The following ARAP2 variants were observed in gnomAD, a reference collection of about 807,000 sequenced individuals.
The protein encoded by ARAP2 is ArfGAP with RhoGAP domain, ankyrin repeat and PH domain 2, also known as arf-GAP with Rho-GAP domain, ANK repeat and PH domain-containing protein 2.
A neutral mutation model predicts 194.5 loss-of-function variants in ARAP2; 148 were observed. The observed-to-expected ratio is 0.76, with a 90% CI of 0.67 to 0.87. The LOEUF (loss-of-function observed/expected upper bound fraction) is 0.87, where lower values mean the gene tolerates loss of function less well. Among genes scored for constraint, ARAP2 ranks in the 40% least tolerant of loss-of-function variants. ARAP2 has a pLI of 0.00. For synonymous variants in ARAP2, 695 were observed against 683.5 expected, an observed-to-expected ratio of 1.02 and a Z score of -0.26; for missense variants, 2,128 against 1,989.7, an observed-to-expected ratio of 1.07 and a Z score of -1.32.
chr4:36,037,942 T>C (rs1376147487), intron 5 of ARAP2, among the ~76,000 whole-genome samples: 1 of 152,172 alleles, frequency 6.6e-6, no homozygotes, highest in Non-Finnish European at 1.5e-5. Context: ...ATTTATAAGA[T>C]CAAATAACTA....
rs536354303 is a variant in ARAP2 at position 36,080,362 on chromosome 4, C to A, written c.4545-83G>T. The A allele has an allele frequency of 4.2e-5, 47 of 1,130,130 alleles. No individual in the cohort carries two copies. In the African/African-American group the frequency reaches 7.0e-4, roughly 17 times the overall value. 70.0% of individuals were successfully genotyped at this position (1,130,130 alleles called of 1,614,324 possible). Reference sequence around the variant, plus strand: ...TGTATCTGCTGAGTGATTTGGTGATCAAAAATCTCTGGGTCTCTCCTGATT... The same window carrying A: ...TGTATCTGCTGAGTGATTTGGTGATAAAAAATCTCTGGGTCTCTCCTGATT... On this transcript the variant is annotated intron_variant, in intron 30 of 32. Transcript: ENST00000303965.
chr4:36,155,552 G>T (rs1241127135), intron 15 of ARAP2, among the ~76,000 whole-genome samples: 1 of 152,116 alleles, frequency 6.6e-6, no homozygotes. Flanking sequence ...AGCCAGGCAA[G>T]TAACCATGTA....
chr4:36,212,529 C>T lies in ARAP2; in HGVS notation c.1042-42G>A, dbSNP rs926110382. On this transcript the variant is annotated intron_variant, in intron 4 of 32. Coordinates refer to ENST00000303965, the MANE Select transcript of ARAP2 (RefSeq NM_015230.4). ...CAAACAAAAAACACATACTGTTTTG[C>T]TTTTTGGTTTGGGGATTTGTTTGTA... 27 of 1,476,836 alleles carry T rather than the reference C, an allele frequency of 1.8e-5. No individual in the cohort carries two copies. The South Asian group carries it at 2.0e-4, about 11-fold the overall frequency. The allele number at this position is 1,476,836 out of a possible 1,614,324, so 91.5% of individuals were successfully genotyped here. A position where few individuals can be genotyped will look rare whatever the true frequency, so the allele number is the denominator to read the frequency against.
intron 6 of ARAP2, among the ~76,000 whole-genome samples, chr4:36,195,314 G>A (rs1043739107): frequency 2.0e-5 from 3 of 152,162 alleles, no homozygotes; most frequent in Non-Finnish European, 4.4e-5. Context: ...AACAGTGTTA[G>A]AGCCATCTGG....
chr4:36,209,875 C>T (rs572919911), intron 6 of ARAP2, among the ~76,000 whole-genome samples: 3 of 152,094 alleles, frequency 2.0e-5, no homozygotes, highest in Admixed American at 6.6e-5. Flanking sequence ...ATAATATTCA[C>T]GGGACTCTGA....
At chr4:36,053,523 AG>A (rs1560327959) in intron 2 of ARAP2, among the ~76,000 whole-genome samples, 1 of 152,208 alleles carries the variant, frequency 6.6e-6, no homozygotes, top group Non-Finnish European at 1.5e-5. Flanking sequence ...TTTTCCATCA[AG>A]ATGCTGCACT....
chr4:36,053,053 G>A (rs1411792370), intron 2 of ARAP2, among the ~76,000 whole-genome samples: 1 of 151,996 alleles, frequency 6.6e-6, no homozygotes, highest in Non-Finnish European at 1.5e-5. Flanking sequence ...TGTTGCCCAG[G>A]CTGGAGTGCA....
chr4:36,101,710 T>C (rs1031673887), intron 27 of ARAP2, among the ~76,000 whole-genome samples: 1 of 152,010 alleles, frequency 6.6e-6, no homozygotes, highest in Non-Finnish European at 1.5e-5. Context: ...TATCATCTTA[T>C]TGACAAATGT....
rs572743564 is a variant in ARAP2, at chr4:36,070,911, G to C, written c.4744-2633C>G. Reference sequence around the variant, plus strand: ...AACTCAAAGAAAAAAATTTGCCCAAGTTTGCATAAGTGAGAGCTTGGGAGG... The same window carrying C: ...AACTCAAAGAAAAAAATTTGCCCAACTTTGCATAAGTGAGAGCTTGGGAGG... On this transcript the variant is annotated intron_variant, in intron 32 of 32. Transcript: ENST00000303965. Among the ~76,000 whole-genome samples, 12 of 152,218 alleles carry C rather than the reference G, an allele frequency of 7.9e-5. No homozygotes were observed. In the South Asian group the frequency reaches 2.5e-3, roughly 32 times the overall value.
chr4:36,019,705 G>T (rs1219198044), intron 5 of ARAP2, among the ~76,000 whole-genome samples: 1 of 152,102 alleles, frequency 6.6e-6, no homozygotes, highest in Non-Finnish European at 1.5e-5. Flanking sequence ...GGTATGAGAT[G>T]AGATAGTATA....
At chr4:36,166,123 G>A (rs1446654684) in intron 10 of ARAP2, among the ~76,000 whole-genome samples, 1 of 151,986 alleles carries the variant, frequency 6.6e-6, no homozygotes, top group East Asian at 1.9e-4. Context: ...CTCAAAATTT[G>A]AGGCAATGGA....
chr4:36,059,614 T>G (rs1329696208), intron 1 of ARAP2, among the ~76,000 whole-genome samples: 1 of 152,200 alleles, frequency 6.6e-6, no homozygotes, highest in Non-Finnish European at 1.5e-5. Flanking sequence ...ATATGGGTAG[T>G]GCAGAAGATA....
intron 5 of ARAP2, among the ~76,000 whole-genome samples, chr4:36,024,405 A>T (rs1717547393): frequency 6.6e-6 from 1 of 152,232 alleles, no homozygotes; most frequent in African/African-American, 2.4e-5. Context: ...AGAAAAGAAA[A>T]TATTGGAATG....
chr4:36,053,551 G>A (rs777266346), intron 2 of ARAP2, among the ~76,000 whole-genome samples: 4 of 152,168 alleles, frequency 2.6e-5, no homozygotes, highest in African/African-American at 4.8e-5. Flanking sequence ...AAAGTGATGA[G>A]CTACTAAGTA....
intron 1 of ARAP2, among the ~76,000 whole-genome samples, chr4:36,235,514 T>C (rs1299422579): frequency 2.0e-5 from 3 of 152,230 alleles, no homozygotes; most frequent in African/African-American, 4.8e-5. Context: ...ATCTATGCTA[T>C]ACAAGCATGC....
At chr4:36,077,495 G>C (rs1728513705) in intron 31 of ARAP2, among the ~76,000 whole-genome samples, 1 of 151,978 alleles carries the variant, frequency 6.6e-6, no homozygotes, top group African/African-American at 2.4e-5. Context: ...CCTGGCATGT[G>C]ACAAGGAACT....
Position 36,112,519 on chromosome 4 carries a change from G to A in ARAP2, c.4156+1651C>T, listed in dbSNP as rs563665431. Among the ~76,000 whole-genome samples, 6 of 151,894 alleles carry A rather than the reference G, an allele frequency of 4.0e-5. No homozygotes were observed. The East Asian group carries it at 7.8e-4, about 20-fold the overall frequency. On this transcript the variant is annotated intron_variant, in intron 26 of 32. Coordinates refer to ENST00000303965, the MANE Select transcript of ARAP2 (RefSeq NM_015230.4). ...AATAATGCTGACAGTTAATCTTTAC[G>A]CACAAATATAACAAAGCTGGTAACC...
rs550927224 is a variant in ARAP2 at position 36,193,542 on chromosome 4, A to C, written c.1557+36T>G. ...GCTTATTTTACTCTTCGTATGCATA[A>C]AAAAGCAATTTTTGAAAACTGTAAA... On this transcript the variant is annotated intron_variant, in intron 7 of 32. Coordinates refer to ENST00000303965, the MANE Select transcript of ARAP2 (RefSeq NM_015230.4). 1.1e-5 allele frequency: 16 copies of C among 1,494,470 alleles called. No homozygotes were observed. In the Admixed American group the frequency reaches 3.4e-4, roughly 32 times the overall value. 92.6% of individuals were successfully genotyped at this position (1,494,470 alleles called of 1,614,324 possible).
chr4:36,190,555 C>T (rs994270234), intron 7 of ARAP2, among the ~76,000 whole-genome samples: 6 of 152,174 alleles, frequency 3.9e-5, no homozygotes, highest in African/African-American at 1.2e-4. Flanking sequence ...TGAGCCTATA[C>T]ATTAGTCTAC....
Sources: gnomAD v4.1 joint callset for allele counts (sites outside exome capture counted in the v4.1 genomes callset) on GRCh38, gnomAD v4.1.1 for gene constraint, MANE v1.5 for transcripts, NCBI Gene and HGNC (gene_info 2026-07-23, HGNC 2026-07-21) for gene names.